Variants in ALDH7A1 observed in about 807,000 individuals in gnomAD.
ALDH7A1 encodes the protein alpha-aminoadipic semialdehyde dehydrogenase.
A neutral mutation model predicts 79.9 loss-of-function variants in ALDH7A1; 63 were observed. That is an observed-to-expected ratio of 0.79 (90% CI 0.64 to 0.97). The LOEUF is 0.97. Ranked by LOEUF, ALDH7A1 falls within the 50% of genes least tolerant of loss-of-function variation. The pLI is 0.00. For missense variants in ALDH7A1, 627 were observed against 665.2 expected (o/e 0.94, Z 0.63); for synonymous variants, 240 against 231.2 (o/e 1.04, Z -0.34).
intron 9 of ALDH7A1, among the ~76,000 whole-genome samples, chr5:126,565,777 T>G (rs1581376073): frequency 6.6e-6 from 1 of 152,218 alleles, no homozygotes; most frequent in Admixed American, 6.6e-5. Context: ...GGAGATGTAG[T>G]AGGGGCCTGA....
intron 3 of ALDH7A1, among the ~76,000 whole-genome samples, chr5:126,590,158 ACC>A (rs1751504217): frequency 2.0e-5 from 3 of 146,464 alleles, no homozygotes; most frequent in African/African-American, 7.4e-5. Context: ...CCCGGCCGCC[ACC>A]CTGTCTGGGA....
At chr5:126,592,771 G>C in intron 2 of ALDH7A1, 42 bp from the exon 3 acceptor site, 1 of 1,562,112 alleles carries the variant, frequency 6.4e-7, no homozygotes, top group South Asian at 1.1e-5. Flanking sequence ...GAAATAAAGA[G>C]AAATGATGAT....
In ALDH7A1 at chr5:126,587,389, G is replaced by C. The variant is rs1193988300; in HGVS notation, c.313-3377C>G. On this transcript the variant is annotated intron_variant, in intron 3 of 17. Coordinates refer to ENST00000409134, the MANE Select transcript of ALDH7A1 (RefSeq NM_001182.5). ...ACAGTGGCTCATGCCTGTAATCCTA[G>C]CACTTTGGGAGGCCAAGGCGGGTGG... 4 of 152,112 alleles carry C rather than the reference G, an allele frequency of 2.6e-5. No individual in the cohort carries two copies. The East Asian group carries it at 7.7e-4, about 29-fold the overall frequency. The allele number at this position is 152,112 out of a possible 1,614,324, so 9.4% of individuals were successfully genotyped here. A position where few individuals can be genotyped will look rare whatever the true frequency, so the allele number is the denominator to read the frequency against.
chr5:126,570,683 C>T (rs1487702266), intron 8 of ALDH7A1, 99 bp downstream of exon 8: 1 of 1,173,986 alleles, frequency 8.5e-7, no homozygotes, highest in Admixed American at 1.7e-5. Context: ...CCATTCTCAA[C>T]TCCTTAGTTA....
At chr5:126,584,855 T>G (rs1751307267) in intron 3 of ALDH7A1, among the ~76,000 whole-genome samples, 1 of 151,840 alleles carries the variant, frequency 6.6e-6, no homozygotes, top group Non-Finnish European at 1.5e-5. Context: ...GAAGAAGACT[T>G]GAAGGGAAAC....
At chr5:126,570,983 T>C (rs986157983) in intron 7 of ALDH7A1, 124 bp from the exon 8 acceptor site, 68 of 910,940 alleles carry the variant, frequency 7.5e-5, no homozygotes, top group Non-Finnish European at 8.8e-6. Context: ...AATATACTAC[T>C]CTCTTGCTTT....
rs1333384080 is a variant in ALDH7A1, at chr5:126,544,486, G to C, written c.*479C>G. 5.1e-6 allele frequency: 1 copy of C among 195,454 alleles called. No individual in the cohort carries two copies. Among genetic ancestry groups the C allele is most frequent in the Non-Finnish European group, 1.1e-5 (1 of 94,546 alleles). 12.1% of individuals were successfully genotyped at this position (195,454 alleles called of 1,614,324 possible). A position where few individuals can be genotyped will look rare whatever the true frequency, so the allele number is the denominator to read the frequency against. On this transcript the variant is annotated 3_prime_UTR_variant, in exon 18 of 18. Transcript: ENST00000409134. The stretch of plus-strand genomic sequence containing the variant: ...TGAACTGTGGTCCAAGCATACAGGG[G>C]AATGCATCCCCCTTTCAATCACACG...
chr5:126,551,712 C>T (rs1190638064), intron 14 of ALDH7A1, among the ~76,000 whole-genome samples: 3 of 152,054 alleles, frequency 2.0e-5, no homozygotes, highest in Admixed American at 6.6e-5. Context: ...TCCAGTACCA[C>T]GGTTCAGGAG....
intron 9 of ALDH7A1, among the ~76,000 whole-genome samples, chr5:126,562,756 G>A (rs1010021559): frequency 1.3e-5 from 2 of 152,120 alleles, no homozygotes; most frequent in Non-Finnish European, 1.5e-5. Flanking sequence ...GCTGAGGCAG[G>A]AGAATTGCTT....
intron 11 of ALDH7A1, 130 bp downstream of exon 11, chr5:126,559,110 C>T: frequency 1.3e-6 from 1 of 755,002 alleles, no homozygotes; most frequent in South Asian, 1.5e-5. Flanking sequence ...AGAACTGGAC[C>T]ACATATTTGC....
intron 3 of ALDH7A1, among the ~76,000 whole-genome samples, chr5:126,584,671 A>AAAAAAAGAAAAAG (rs1751300024): frequency 7.7e-6 from 1 of 129,942 alleles, no homozygotes; most frequent in African/African-American, 3.4e-5. Context: ...AAAAAAAAAA[A>AAAAAAAGAAAAAG]AAAAAAAAGA....
chr5:126,562,514 T>C (rs1750436343), intron 9 of ALDH7A1: 1 of 151,968 alleles, frequency 6.6e-6, no homozygotes, highest in African/African-American at 2.4e-5. Flanking sequence ...CCTGGCTTAT[T>C]ATAGAGCCTT....
At chr5:126,567,478 CTTT>C (rs768446830) in intron 9 of ALDH7A1, among the ~76,000 whole-genome samples, 2 of 146,142 alleles carry the variant, frequency 1.4e-5, no homozygotes. Flanking sequence ...CCTTTCATAA[CTTT>C]TTTTTTTTTT....
intron 3 of ALDH7A1, chr5:126,588,858 C>A (rs1751444741): frequency 1.3e-5 from 2 of 152,240 alleles, no homozygotes; most frequent in Admixed American, 1.3e-4. Context: ...GCCTAGGCAA[C>A]AGAGCAAAAC....
At chr5:126,557,872 T>C (rs1197754932) in intron 11 of ALDH7A1, among the ~76,000 whole-genome samples, 3 of 151,864 alleles carry the variant, frequency 2.0e-5, no homozygotes, top group Non-Finnish European at 4.4e-5. Flanking sequence ...TGTACCTAAC[T>C]AAAACTTCCT....
intron 10 of ALDH7A1, 93 bp from the exon 11 acceptor site, chr5:126,559,427 GGTTTTGGT>G (rs2112768708): frequency 1.3e-6 from 1 of 783,190 alleles, no homozygotes; most frequent in Non-Finnish European, 1.9e-6. Flanking sequence ...TTTTGTTTTT[GGTTTTGGT>G]TTTTTTTTTT....
rs142707835 is a variant in ALDH7A1, at chr5:126,556,822, A to C, written c.1009-807T>G. 3.0e-3 allele frequency among the ~76,000 whole-genome samples: 458 copies of C among 152,320 alleles called. 3 individuals carry two copies. Among genetic ancestry groups the C allele is most frequent in the African/African-American group, 0.01 (428 of 41,568 alleles). On this transcript the variant is annotated intron_variant, in intron 11 of 17. Transcript: ENST00000409134. ...TCCAAGTGGCAGAGCTGAACTTGCC[A>C]AACCATCTATGCTCTGGGTTAGTCT...
chr5:126,580,753 A>G (rs963110109), intron 5 of ALDH7A1, among the ~76,000 whole-genome samples: 5 of 152,168 alleles, frequency 3.3e-5, no homozygotes, highest in East Asian at 1.9e-4. Context: ...ACCATTGCCA[A>G]TGCAGACATA....
At chr5:126,561,687 AC>A (rs1382748814) in intron 9 of ALDH7A1, 1 of 152,252 alleles carries the variant, frequency 6.6e-6, no homozygotes, top group East Asian at 1.9e-4. Flanking sequence ...AAACCAAACC[AC>A]CCTGAGCGTG....
Sources: allele counts gnomAD v4.1 joint callset (sites outside exome capture counted in the v4.1 genomes callset), GRCh38; gene constraint gnomAD v4.1.1; transcripts MANE v1.5; gene names NCBI Gene and HGNC (gene_info 2026-07-23, HGNC 2026-07-21).